Variants in CEP97 observed in about 807,000 individuals in gnomAD.
The protein encoded by CEP97 is centrosomal protein 97, also known as centrosomal protein of 97 kDa.
A neutral mutation model predicts 73.1 loss-of-function variants in CEP97; 43 were observed. The ratio of observed to expected loss-of-function variants is 0.59; its 90% CI spans 0.46 to 0.76. The LOEUF (loss-of-function observed/expected upper bound fraction) is 0.76, where lower values mean the gene tolerates loss of function less well. CEP97 is among the 30% of genes least tolerant of loss of function. The pLI is 0.00. For synonymous variants in CEP97, 337 were observed against 370.0 expected, an observed-to-expected ratio of 0.91 and a Z score of 1.02; for missense variants, 939 against 1,014.0, an observed-to-expected ratio of 0.93 and a Z score of 1.00.
intron 4 of CEP97, 88 bp downstream of exon 4, chr3:101,729,025 G>A (rs1938002145): frequency 4.0e-6 from 3 of 752,048 alleles, no homozygotes; most frequent in Non-Finnish European, 7.0e-6. Flanking sequence ...AGCCTGCTTT[G>A]TATGAGCAGA....
chr3:101,727,513 G>GT lies in CEP97; in HGVS notation c.317_318insT (p.Trp106CysfsTer8). 6.2e-7 allele frequency: 1 copy of GT among 1,610,652 alleles called. No homozygotes were observed. Among genetic ancestry groups the GT allele is most frequent in the Non-Finnish European group, 8.5e-7 (1 of 1,178,536 alleles). On this transcript the variant is annotated frameshift_variant, in exon 3 of 11. Transcript: ENST00000341893. LOFTEE classifies it high-confidence loss of function. ...CTAAAGGAACTAGTACATCTGGAAT[G>GT]GCTGAATTTGGCAGGAAATAATCTT...
chr3:101,739,305 C>T (rs1938374036), intron 6 of CEP97, among the ~76,000 whole-genome samples: 1 of 152,036 alleles, frequency 6.6e-6, no homozygotes, highest in African/African-American at 2.4e-5. Context: ...AGGGACTCCT[C>T]CCTAACTCAT....
intron 6 of CEP97, among the ~76,000 whole-genome samples, chr3:101,736,031 G>C (rs767034721): frequency 1.8e-4 from 27 of 152,292 alleles, no homozygotes; most frequent in Admixed American, 5.2e-4. Context: ...TGCCTTTACC[G>C]AGGTGCGAAT....
intron 6 of CEP97, among the ~76,000 whole-genome samples, chr3:101,744,799 T>C (rs1938565172): frequency 6.6e-6 from 1 of 152,144 alleles, no homozygotes; most frequent in African/African-American, 2.4e-5. Flanking sequence ...GTGCTGAAAA[T>C]ATTTTCCTGG....
At chr3:101,755,689 G>A (rs749241310) in intron 7 of CEP97, 95 bp downstream of exon 7, 11 of 1,253,076 alleles carry the variant, frequency 8.8e-6, no homozygotes, top group Admixed American at 5.4e-5. Flanking sequence ...CAAGTGCTGC[G>A]GCCCACATTT....
intron 7 of CEP97, 51 bp from the exon 8 acceptor site, chr3:101,757,012 C>G: frequency 6.7e-7 from 1 of 1,493,418 alleles, no homozygotes; most frequent in Non-Finnish European, 8.9e-7. Flanking sequence ...AGCAGAAAAT[C>G]TTTCTTTTTT....
intron 4 of CEP97, 87 bp downstream of exon 4, chr3:101,729,024 T>G (rs1190660250): frequency 2.6e-6 from 2 of 758,412 alleles, no homozygotes; most frequent in African/African-American, 3.5e-5. Flanking sequence ...TAGCCTGCTT[T>G]GTATGAGCAG....
At position 101,746,699 on chromosome 3, in the gene CEP97, CCTT is replaced by C. The variant is rs1204080742; in HGVS notation, c.729-8728_729-8726del. Among the ~76,000 whole-genome samples the C allele has an allele frequency of 1.8e-4, 28 of 152,254 alleles. 1 individual carries two copies. In the South Asian group the frequency reaches 5.4e-3, roughly 29 times the overall value. On this transcript the variant is annotated intron_variant, in intron 6 of 10. Coordinates refer to ENST00000341893, the MANE Select transcript of CEP97 (RefSeq NM_024548.4). ...AAATGGGATCTCATTAAACTAAAGA[CCTT>C]CTGCACAGCAAAAGAAACTACCATC...
chr3:101,733,820 G>A (rs1576678660), intron 6 of CEP97, among the ~76,000 whole-genome samples: 1 of 151,546 alleles, frequency 6.6e-6, no homozygotes, highest in African/African-American at 2.4e-5. Flanking sequence ...GTGAGCCACC[G>A]CGCCCAGCCT....
chr3:101,725,022 T>C (rs995679920), intron 1 of CEP97, among the ~76,000 whole-genome samples: 2 of 152,216 alleles, frequency 1.3e-5, no homozygotes, highest in African/African-American at 4.8e-5. Context: ...TGCGATGACC[T>C]TTCTTGACCA....
At chr3:101,730,505 C>A (rs1386586232) in intron 4 of CEP97, among the ~76,000 whole-genome samples, 2 of 151,682 alleles carry the variant, frequency 1.3e-5, no homozygotes, top group Non-Finnish European at 2.9e-5. Context: ...ACCTTGTGAT[C>A]CACCCGCCTC....
At chr3:101,747,776 G>A (rs1188324287) in intron 6 of CEP97, among the ~76,000 whole-genome samples, 1 of 150,258 alleles carries the variant, frequency 6.7e-6, no homozygotes, top group East Asian at 1.9e-4. Context: ...CTTGTTTTAA[G>A]TAAACAGTTC....
In CEP97 at chr3:101,764,885, G is replaced by C; in HGVS notation, c.1932G>C (p.Gln644His). ...SLQVWQQTVD[Q>H]RLSSWHTDVP... ...AGGTTTGGCAACAGACAGTGGACCAGCGTCTAAGTTCCTGGCATACTGATG... is the reference window on the plus strand; with the variant it reads ...AGGTTTGGCAACAGACAGTGGACCACCGTCTAAGTTCCTGGCATACTGATG... Residue 644 changes from glutamine to histidine, a missense_variant, in exon 11 of 11, where the codon CAG becomes CAC. Transcript: ENST00000341893. 1.2e-6 allele frequency: 2 copies of C among 1,613,412 alleles called. No individual in the cohort carries two copies. Among genetic ancestry groups the C allele is most frequent in the South Asian group, 2.2e-5 (2 of 90,910 alleles).
chr3:101,736,443 A>G (rs1938278829), intron 6 of CEP97, among the ~76,000 whole-genome samples: 1 of 152,174 alleles, frequency 6.6e-6, no homozygotes, highest in South Asian at 2.1e-4. Flanking sequence ...CACCTCATAT[A>G]GGAGAACTCC....
At position 101,769,021 on chromosome 3, in the gene CEP97, G is replaced by A. The variant is rs1213112078; in HGVS notation, c.*3470G>A. 1 of 152,146 alleles carries A rather than the reference G, an allele frequency of 6.6e-6. No individual in the cohort carries two copies. 9.4% of individuals were successfully genotyped at this position (152,146 alleles called of 1,614,324 possible). A position where few individuals can be genotyped will look rare whatever the true frequency, so the allele number is the denominator to read the frequency against. ...TCTGGAATAATGTGGGTGCCATCTT[G>A]AGCGTGTGTTTTTATCTGTTTTGGA... On this transcript the variant is annotated 3_prime_UTR_variant, in exon 11 of 11. Transcript: ENST00000341893.
intron 6 of CEP97, among the ~76,000 whole-genome samples, chr3:101,732,895 C>T (rs1938158027): frequency 6.6e-6 from 1 of 150,526 alleles, no homozygotes; most frequent in African/African-American, 2.4e-5. Flanking sequence ...AAAGCCGAGG[C>T]AGGAGGATTG....
At chr3:101,725,439 C>T (rs1386871685) in intron 1 of CEP97, among the ~76,000 whole-genome samples, 2 of 152,126 alleles carry the variant, frequency 1.3e-5, no homozygotes, top group Non-Finnish European at 2.9e-5. Flanking sequence ...GGTCGAGGCC[C>T]GTCTTCATGG....
Position 101,757,057 on chromosome 3 carries a change from T to G in CEP97, c.894-6T>G. ...TTAAATTAGACCAGGTATTATTGATTTTTAGGTTTCACCAGAGGCAGTTGA... is the reference window on the plus strand; with the variant it reads ...TTAAATTAGACCAGGTATTATTGATGTTTAGGTTTCACCAGAGGCAGTTGA... On this transcript the variant is annotated splice_polypyrimidine_tract_variant and splice_region_variant and intron_variant, in intron 7 of 10. Transcript: ENST00000341893. 1 of 1,598,494 alleles carries G rather than the reference T, an allele frequency of 6.3e-7. No homozygotes were observed. The highest frequency in any genetic ancestry group is 8.5e-7 in the Non-Finnish European group (1 of 1,175,580).
chr3:101,727,210 A>G (rs937067614), intron 2 of CEP97, among the ~76,000 whole-genome samples, 173 bp from the exon 3 acceptor site: 4 of 152,248 alleles, frequency 2.6e-5, no homozygotes, highest in Admixed American at 1.3e-4. Context: ...CCCAGGAACA[A>G]TAACAAAAAA....
Sources: allele counts gnomAD v4.1 joint callset (sites outside exome capture counted in the v4.1 genomes callset), GRCh38; gene constraint gnomAD v4.1.1; transcripts MANE v1.5; gene names NCBI Gene and HGNC (gene_info 2026-07-23, HGNC 2026-07-21).